Variants in TMED3 observed in about 807,000 individuals in gnomAD.
The protein encoded by TMED3 is transmembrane emp24 domain-containing protein 3.
TMED3 carries 9 observed loss-of-function variants against 15.0 expected under a neutral mutation model. The ratio of observed to expected loss-of-function variants is 0.60; its 90% CI spans 0.36 to 1.04. The LOEUF (loss-of-function observed/expected upper bound fraction) is 1.04. Among genes scored for constraint, TMED3 ranks in the 50% least tolerant of loss-of-function variants. The pLI is 0.01. For missense variants in TMED3, 267 were observed against 278.9 expected (o/e 0.96, Z 0.30); for synonymous variants, 117 against 121.4 (o/e 0.96, Z 0.24).
At position 79,352,684 on chromosome 15, in the gene TMED3, A is replaced by G. The variant is rs1412622835; in HGVS notation, c.417+38679A>G. 1.8e-4 allele frequency among the ~76,000 whole-genome samples: 27 copies of G among 146,006 alleles called. No homozygotes were observed. In the South Asian group the frequency reaches 4.9e-3, roughly 26 times the overall value. ...ACTAAGAAAAAAAAAATATATATAT[A>G]TATGTAACTGAATATATATATATAT... is the stretch of plus-strand genomic sequence containing the variant. On this transcript the variant is annotated intron_variant, in intron 2 of 2. Coordinates refer to the TMED3 transcript ENST00000424155.
At position 79,311,222 on chromosome 15, in the gene TMED3, C is replaced by T. The variant is rs1302036371; in HGVS notation, c.-28C>T. 3 of 1,571,484 alleles carry T rather than the reference C, an allele frequency of 1.9e-6. No homozygotes were observed. Among genetic ancestry groups the T allele is most frequent in the Admixed American group, 1.8e-5 (1 of 56,770 alleles). ...CGCCGGGGGCGCAGCGCCCGAGCCG[C>T]GGCCCTCGAGACGGGACCGAGAGCA... On this transcript the variant is annotated 5_prime_UTR_variant, in exon 1 of 3. Transcript: ENST00000299705.
chr15:79,344,125 G>A (rs1235858781), intron 2 of TMED3, among the ~76,000 whole-genome samples: 1 of 152,014 alleles, frequency 6.6e-6, no homozygotes, highest in Non-Finnish European at 1.5e-5. Flanking sequence ...TATAGAAGTT[G>A]AGAAGAAGAG....
intron 2 of TMED3, among the ~76,000 whole-genome samples, chr15:79,401,912 G>A (rs944443166): frequency 1.3e-5 from 2 of 152,110 alleles, no homozygotes; most frequent in Non-Finnish European, 2.9e-5. Context: ...TTTGGAGGAG[G>A]CATTCTTCAT....
chr15:79,328,263 C>T (rs2058794518), intron 2 of TMED3, among the ~76,000 whole-genome samples: 2 of 152,080 alleles, frequency 1.3e-5, no homozygotes, highest in Admixed American at 1.3e-4. Context: ...ACCAAGCAGT[C>T]TTTTGATGAT....
intron 2 of TMED3, among the ~76,000 whole-genome samples, chr15:79,331,080 A>T (rs945347312): frequency 1.3e-5 from 2 of 152,168 alleles, no homozygotes; most frequent in Non-Finnish European, 2.9e-5. Flanking sequence ...GGAGTATGAG[A>T]CCAAGAGGGG....
chr15:79,400,344 CACTT>C (rs1893817599), intron 2 of TMED3, among the ~76,000 whole-genome samples: 1 of 152,224 alleles, frequency 6.6e-6, no homozygotes, highest in South Asian at 2.1e-4. Context: ...GATCTGTAAT[CACTT>C]AATCTACTAA....
intron 2 of TMED3, among the ~76,000 whole-genome samples, chr15:79,374,684 C>G (rs2141246524): frequency 6.6e-6 from 1 of 152,296 alleles, no homozygotes; most frequent in East Asian, 1.9e-4. Context: ...AATTGTCTAC[C>G]TGATTAACAA....
At chr15:79,331,733 A>C (rs1207333523) in intron 2 of TMED3, among the ~76,000 whole-genome samples, 2 of 152,162 alleles carry the variant, frequency 1.3e-5, no homozygotes, top group Non-Finnish European at 2.9e-5. Context: ...TAAACAATGG[A>C]CAAACAATCT....
At chr15:79,363,915 G>A (rs1032073258) in intron 2 of TMED3, among the ~76,000 whole-genome samples, 25 of 152,226 alleles carry the variant, frequency 1.6e-4, no homozygotes, top group African/African-American at 5.5e-4. Flanking sequence ...CAAACTCTCC[G>A]ATGTCTTACA....
At position 79,386,815 on chromosome 15, in the gene TMED3, G is replaced by A. The variant is rs1893633142; in HGVS notation, c.418-24585G>A. Among the ~76,000 whole-genome samples the A allele has an allele frequency of 2.6e-5, 4 of 151,184 alleles. No individual in the cohort carries two copies. In the South Asian group the frequency reaches 8.4e-4, roughly 32 times the overall value. On this transcript the variant is annotated intron_variant, in intron 2 of 2. Coordinates refer to the TMED3 transcript ENST00000424155. ...ACCCGTCTCAGCCTCCCAAAGTGCT[G>A]GGATTACAGCCGTGAGCCACTGTGC... is the stretch of plus-strand genomic sequence containing the variant.
intron 2 of TMED3, among the ~76,000 whole-genome samples, chr15:79,333,767 T>C (rs145240606): frequency 4.5e-4 from 69 of 152,296 alleles, no homozygotes; most frequent in Middle Eastern, 6.8e-3. Flanking sequence ...CCCCACACCC[T>C]TTGTTTAAAG....
At position 79,321,983 on chromosome 15, in the gene TMED3, G is replaced by T; in HGVS notation, c.423G>T (p.Glu141Asp). The T allele has an allele frequency of 6.2e-7, 1 of 1,614,044 alleles. No individual in the cohort carries two copies. Among genetic ancestry groups the T allele is most frequent in the Non-Finnish European group, 8.5e-7 (1 of 1,179,946 alleles). ...GCTTTTCTCTTCCTGCCCAGATGGAGTCCGCCTGCGTGACCATCCATGAGG... is the reference window on the plus strand; with the variant it reads ...GCTTTTCTCTTCCTGCCCAGATGGATTCCGCCTGCGTGACCATCCATGAGG... ...GNRVTALTQM[E>D]SACVTIHEAL... The change falls in exon 3 of 3, where the codon GAG becomes GAT. Residue 141 changes from glutamate to aspartate, a missense_variant. Physicochemically the swap from Glu to Asp is conservative, Grantham distance 45. This residue lies in a region of TMED3 where 139 missense variants were observed against 125.0 expected (regional missense o/e 1.11). Coordinates refer to ENST00000299705, the MANE Select transcript of TMED3 (RefSeq NM_007364.4).
intron 2 of TMED3, among the ~76,000 whole-genome samples, chr15:79,354,954 T>C (rs2058912921): frequency 6.6e-6 from 1 of 152,138 alleles, no homozygotes; most frequent in Non-Finnish European, 1.5e-5. Context: ...GAGTTATTTC[T>C]CTTATTTAAG....
downstream of TMED3, among the ~76,000 whole-genome samples, chr15:79,326,524 T>A (rs2058788156): frequency 6.6e-6 from 1 of 152,206 alleles, no homozygotes; most frequent in Non-Finnish European, 1.5e-5. Flanking sequence ...TAGCTATTGC[T>A]AGTCTTGGGG....
exon 3 of TMED3, chr15:79,411,424 G>A (rs1479277164): frequency 1.3e-5 from 9 of 702,434 alleles, no homozygotes; most frequent in Admixed American, 6.0e-5. Flanking sequence ...TTATTGGAAG[G>A]AGGTGGACAA....
intron 2 of TMED3, among the ~76,000 whole-genome samples, chr15:79,369,808 C>T (rs1893302740): frequency 6.6e-6 from 1 of 152,230 alleles, no homozygotes; most frequent in Admixed American, 6.5e-5. Flanking sequence ...GCCAGGCCAG[C>T]TCCTGGCTGT....
intron 2 of TMED3, among the ~76,000 whole-genome samples, chr15:79,397,597 A>G (rs1348442068): frequency 6.6e-6 from 1 of 152,236 alleles, no homozygotes; most frequent in African/African-American, 2.4e-5. Context: ...AAGGTACACC[A>G]GGAGTTGACT....
At chr15:79,317,056 G>A (rs886673081) in intron 2 of TMED3, among the ~76,000 whole-genome samples, 8 of 152,192 alleles carry the variant, frequency 5.3e-5, no homozygotes, top group Non-Finnish European at 7.3e-5. Flanking sequence ...CTCTTGCAGC[G>A]TCTGTGCAAG....
At chr15:79,402,383 G>T (rs1893845678) in intron 2 of TMED3, among the ~76,000 whole-genome samples, 1 of 152,170 alleles carries the variant, frequency 6.6e-6, no homozygotes, top group South Asian at 2.1e-4. Context: ...CTTTAGAGAA[G>T]CCCAGAAGCA....
Sources: allele counts gnomAD v4.1 joint callset (sites outside exome capture counted in the v4.1 genomes callset), GRCh38; gene constraint gnomAD v4.1.1; regional missense constraint gnomAD v4.1.1; transcripts MANE v1.5; gene names NCBI Gene and HGNC (gene_info 2026-07-23, HGNC 2026-07-21).